Variants in ADGB observed in about 807,000 individuals in gnomAD.
The protein encoded by ADGB is androglobin, also known as calpain-7-like protein.
A neutral mutation model predicts 210.5 loss-of-function variants in ADGB; 172 were observed. That is an observed-to-expected ratio of 0.82 (90% CI 0.72 to 0.93). ADGB has a LOEUF of 0.93. Among genes scored for constraint, ADGB ranks in the 40% least tolerant of loss-of-function variants. ADGB has a pLI of 0.00. For synonymous variants in ADGB, 658 were observed against 662.7 expected, an observed-to-expected ratio of 0.99 and a Z score of 0.11; for missense variants, 2,025 against 1,964.8, an observed-to-expected ratio of 1.03 and a Z score of -0.58.
At chr6:146,658,685 A>T (rs1194097813) in intron 5 of ADGB, among the ~76,000 whole-genome samples, 1 of 152,168 alleles carries the variant, frequency 6.6e-6, no homozygotes, top group Non-Finnish European at 1.5e-5. Flanking sequence ...CTCCTTAATC[A>T]TACTGATTAT....
intron 33 of ADGB, among the ~76,000 whole-genome samples, chr6:146,790,538 C>G (rs1325388365): frequency 6.6e-6 from 1 of 152,138 alleles, no homozygotes; most frequent in Non-Finnish European, 1.5e-5. Flanking sequence ...TTGTTAAAGG[C>G]TGAAGAGCAT....
intron 35 of ADGB, among the ~76,000 whole-genome samples, chr6:146,814,143 T>G (rs1029320449): frequency 3.9e-5 from 6 of 152,168 alleles, no homozygotes; most frequent in African/African-American, 1.2e-4. Flanking sequence ...CTTCAGGAAG[T>G]CCGATTCTGA....
At chr6:146,608,513 AAT>A (rs1677989278) in intron 1 of ADGB, among the ~76,000 whole-genome samples, 1 of 152,172 alleles carries the variant, frequency 6.6e-6, no homozygotes, top group Non-Finnish European at 1.5e-5. Flanking sequence ...GGCATTTAGC[AAT>A]ATAAAATTCC....
At chr6:146,599,185 C>T in intron 1 of ADGB, 71 bp downstream of exon 1, 1 of 1,392,364 alleles carries the variant, frequency 7.2e-7, no homozygotes, top group Non-Finnish European at 1.0e-6. Context: ...TCTGGGGCTG[C>T]CTCCCTGCAG....
intron 35 of ADGB, among the ~76,000 whole-genome samples, chr6:146,810,147 G>A (rs1778283662): frequency 6.6e-6 from 1 of 152,106 alleles, no homozygotes; most frequent in Admixed American, 6.5e-5. Context: ...AATGGGCAAA[G>A]GACTTGAATA....
chr6:146,629,091 G>A (rs543425690), intron 1 of ADGB, among the ~76,000 whole-genome samples: 2 of 151,956 alleles, frequency 1.3e-5, no homozygotes, highest in African/African-American at 2.4e-5. Flanking sequence ...TAAAAGTATA[G>A]GGTTAAAGGC....
chr6:146,806,579 C>T (rs1778215590), intron 35 of ADGB, among the ~76,000 whole-genome samples: 1 of 152,108 alleles, frequency 6.6e-6, no homozygotes, highest in African/African-American at 2.4e-5. Flanking sequence ...TAAAATTAAG[C>T]TGGTTGCAAA....
chr6:146,792,431 C>T (rs1410324881), intron 33 of ADGB, among the ~76,000 whole-genome samples: 3 of 152,150 alleles, frequency 2.0e-5, no homozygotes, highest in Non-Finnish European at 4.4e-5. Flanking sequence ...CCAACCTACA[C>T]CCATGCAGTC....
At chr6:146,683,243 A>G (rs1300541850) in intron 9 of ADGB, among the ~76,000 whole-genome samples, 2 of 152,126 alleles carry the variant, frequency 1.3e-5, no homozygotes, top group African/African-American at 4.8e-5. Context: ...TCATTTTAGC[A>G]GTACAAAACA....
intron 35 of ADGB, chr6:146,803,131 C>T (rs987570520): frequency 2.0e-5 from 29 of 1,484,842 alleles, no homozygotes; most frequent in Non-Finnish European, 2.7e-5. Context: ...CAATCTACCA[C>T]AACGCCAAGA....
chr6:146,601,390 T>C (rs1780555052), intron 1 of ADGB, among the ~76,000 whole-genome samples: 1 of 152,176 alleles, frequency 6.6e-6, no homozygotes, highest in Admixed American at 6.5e-5. Flanking sequence ...AAACACCAAA[T>C]CATTAGATTT....
intron 3 of ADGB, among the ~76,000 whole-genome samples, chr6:146,649,051 A>G (rs914097051): frequency 1.9e-4 from 29 of 151,864 alleles, no homozygotes; most frequent in African/African-American, 7.0e-4. Flanking sequence ...GTCTTCCTAC[A>G]AGCATTTATC....
At chr6:146,743,615 T>G (rs949183964) in intron 25 of ADGB, among the ~76,000 whole-genome samples, 1 of 152,152 alleles carries the variant, frequency 6.6e-6, no homozygotes, top group Admixed American at 6.6e-5. Flanking sequence ...GCCAGCTCTG[T>G]TTAGAAAAAA....
chr6:146,732,388 C>T (rs898503894), intron 20 of ADGB, among the ~76,000 whole-genome samples: 1 of 152,048 alleles, frequency 6.6e-6, no homozygotes, highest in East Asian at 1.9e-4. Flanking sequence ...TATACCATAT[C>T]AAAGACCAGA....
chr6:146,733,258 AC>A lies in ADGB; in HGVS notation c.2656+6del. 1 of 1,492,692 alleles carries A rather than the reference AC, an allele frequency of 6.7e-7. No individual in the cohort carries two copies. Among genetic ancestry groups the A allele is most frequent in the Non-Finnish European group, 8.9e-7 (1 of 1,126,488 alleles). 92.5% of individuals were successfully genotyped at this position (1,492,692 alleles called of 1,614,324 possible). A position where few individuals can be genotyped will look rare whatever the true frequency, so the allele number is the denominator to read the frequency against. On this transcript the variant is annotated splice_donor_region_variant and intron_variant, in intron 21 of 35. Coordinates refer to ENST00000397944, the MANE Select transcript of ADGB (RefSeq NM_024694.4). ...CTCCTTGGAAGAGGTTTCTTTAGGT[AC>A]CCATGAATTGTATATATTTAATCAA...
In ADGB at chr6:146,721,468, T is replaced by C; in HGVS notation, c.2058T>C (p.Val686=). The change falls in exon 17 of 36, where the codon GTT becomes GTC. Residue 686 remains valine, a synonymous_variant. Coordinates refer to ENST00000397944, the MANE Select transcript of ADGB (RefSeq NM_024694.4). ...GTCTAAAACCTATTGAACTACTGGT[T>C]TGCTTTTCTGCATTGGTACGCTGGG... ...VDSLKPIELL[V]CFSALVRWGE... 1 of 1,551,242 alleles carries C rather than the reference T, an allele frequency of 6.4e-7. No individual in the cohort carries two copies. Among genetic ancestry groups the C allele is most frequent in the Non-Finnish European group, 8.7e-7 (1 of 1,146,576 alleles).
At position 146,769,131 on chromosome 6, in the gene ADGB, G is replaced by A; in HGVS notation, c.3862G>A (p.Ala1288Thr). The change falls in exon 29 of 36, where the codon GCT becomes ACT. Residue 1288 changes from alanine (A) to threonine (T), a missense_variant and splice_region_variant. By Grantham distance (58) the Ala-to-Thr change is moderately conservative. Coordinates refer to ENST00000397944, the MANE Select transcript of ADGB (RefSeq NM_024694.4). ...LKDLKKSNTKAYGERHEELIN... is the reference protein window; with the variant it reads ...LKDLKKSNTKTYGERHEELIN... ...AGACTTAAAGAAAAGTAATACCAAAGGTATGTCACCCTAAATGTTTAAACA... is the reference window on the plus strand; with the variant it reads ...AGACTTAAAGAAAAGTAATACCAAAAGTATGTCACCCTAAATGTTTAAACA... 1 of 1,484,266 alleles carries A rather than the reference G, an allele frequency of 6.7e-7. No homozygotes were observed. Among genetic ancestry groups the A allele is most frequent in the Non-Finnish European group, 9.1e-7 (1 of 1,094,020 alleles). The allele number at this position is 1,484,266 out of a possible 1,614,324, so 91.9% of individuals were successfully genotyped here.
At chr6:146,690,740 G>A (rs1296342264) in intron 10 of ADGB, among the ~76,000 whole-genome samples, 5 of 152,128 alleles carry the variant, frequency 3.3e-5, no homozygotes, top group African/African-American at 1.2e-4. Context: ...GGTAGCAATG[G>A]CTAGTTTTTT....
intron 9 of ADGB, 118 bp downstream of exon 9, chr6:146,676,559 G>T (rs193295564): frequency 1.4e-5 from 14 of 1,029,516 alleles, no homozygotes; most frequent in South Asian, 3.8e-5. Context: ...CTTAGTCAAG[G>T]TTGCCATAAA....
Sources: gnomAD v4.1 joint callset for allele counts (sites outside exome capture counted in the v4.1 genomes callset) on GRCh38, gnomAD v4.1.1 for gene constraint, MANE v1.5 for transcripts, NCBI Gene and HGNC (gene_info 2026-07-23, HGNC 2026-07-21) for gene names.